Variants in LRRC8D observed in about 807,000 individuals in gnomAD.
LRRC8D encodes volume-regulated anion channel subunit LRRC8D.
A neutral mutation model predicts 55.8 loss-of-function variants in LRRC8D; 20 were observed. The ratio of observed to expected loss-of-function variants is 0.36; its 90% CI spans 0.25 to 0.52. LRRC8D has a LOEUF of 0.52. LRRC8D is among the 20% of genes least tolerant of loss of function. The probability of loss-of-function intolerance (pLI) is 0.93; values close to 1 mark genes in which losing one functional copy is unlikely to be tolerated. For missense variants in LRRC8D, 651 were observed against 1,030.8 expected (o/e 0.63, Z 5.05); for synonymous variants, 352 against 377.0 (o/e 0.93, Z 0.77).
chr1:89,892,448 GCATTATTTAGCACTCTAGGTGCAGT>G (rs1404554930), intron 2 of LRRC8D, among the ~76,000 whole-genome samples: 7 of 152,086 alleles, frequency 4.6e-5, no homozygotes, highest in African/African-American at 1.7e-4. Context: ...TCCCCGCTTG[GCATTATTTAGCACTCTAGGTGCAGT>G]CATTTGACCT....
At chr1:89,831,001 G>A (rs1660873646) in intron 1 of LRRC8D, among the ~76,000 whole-genome samples, 1 of 151,498 alleles carries the variant, frequency 6.6e-6, no homozygotes, top group South Asian at 2.1e-4. Flanking sequence ...CGCCTCCCGG[G>A]TTCAAGCGAT....
intron 2 of LRRC8D, among the ~76,000 whole-genome samples, chr1:89,850,823 C>T (rs908729572): frequency 5.9e-5 from 9 of 151,940 alleles, no homozygotes; most frequent in Non-Finnish European, 1.2e-4. Context: ...ATAACTTGAC[C>T]TTATTGTTAT....
At chr1:89,914,647 G>A (rs1025098751) in intron 2 of LRRC8D, among the ~76,000 whole-genome samples, 7 of 151,516 alleles carry the variant, frequency 4.6e-5, no homozygotes, top group East Asian at 1.9e-4. Flanking sequence ...TCCTGGAAAC[G>A]TCCCTGGTTT....
chr1:89,856,246 A>C (rs1426093730), intron 2 of LRRC8D, among the ~76,000 whole-genome samples: 2 of 152,184 alleles, frequency 1.3e-5, no homozygotes, highest in African/African-American at 4.8e-5. Context: ...AAATAATTGC[A>C]TAGCTATGCT....
At chr1:89,875,506 A>C (rs540717948) in intron 2 of LRRC8D, among the ~76,000 whole-genome samples, 16 of 152,310 alleles carry the variant, frequency 1.1e-4, no homozygotes, top group Middle Eastern at 6.8e-3. Context: ...TATCTATTAG[A>C]TATCCTTTAA....
chr1:89,928,441 A>C (rs1019038075), intron 2 of LRRC8D, among the ~76,000 whole-genome samples: 5 of 152,288 alleles, frequency 3.3e-5, no homozygotes, highest in Admixed American at 6.5e-5. Flanking sequence ...CTGGGACTTA[A>C]TAAGGAAAAG....
At chr1:89,917,613 C>A (rs529308438) in intron 2 of LRRC8D, among the ~76,000 whole-genome samples, 139 of 152,258 alleles carry the variant, frequency 9.1e-4, no homozygotes, top group African/African-American at 3.1e-3. Context: ...CTTCACACCT[C>A]CCTTCCATCA....
intron 2 of LRRC8D, among the ~76,000 whole-genome samples, chr1:89,921,780 G>A (rs1018778453): frequency 1.3e-5 from 2 of 152,140 alleles, no homozygotes; most frequent in Non-Finnish European, 2.9e-5. Flanking sequence ...CTGACCTCAG[G>A]TGATCTGTCC....
chr1:89,923,744 A>C (rs1392194150), intron 2 of LRRC8D, among the ~76,000 whole-genome samples: 1 of 152,222 alleles, frequency 6.6e-6, no homozygotes, highest in Admixed American at 6.5e-5. Context: ...CACACAGACC[A>C]CTGGAACAGG....
intron 1 of LRRC8D, among the ~76,000 whole-genome samples, chr1:89,834,569 G>A (rs1031403399): frequency 1.3e-5 from 2 of 152,216 alleles, no homozygotes; most frequent in Non-Finnish European, 2.9e-5. Flanking sequence ...AGTAAGATAT[G>A]CCCCTGCTTT....
intron 2 of LRRC8D, among the ~76,000 whole-genome samples, chr1:89,873,869 G>A (rs950228934): frequency 1.3e-5 from 2 of 152,150 alleles, no homozygotes; most frequent in African/African-American, 2.4e-5. Flanking sequence ...TCTTTTCTAT[G>A]GGCAGTGTTT....
At chr1:89,928,215 C>T (rs373743304) in intron 2 of LRRC8D, among the ~76,000 whole-genome samples, 9 of 152,224 alleles carry the variant, frequency 5.9e-5, no homozygotes, top group Admixed American at 2.0e-4. Context: ...GGATTACAGG[C>T]GCCTGGCACC....
At chr1:89,824,951 T>C (rs1660729010) in intron 1 of LRRC8D, among the ~76,000 whole-genome samples, 1 of 152,220 alleles carries the variant, frequency 6.6e-6, no homozygotes, top group African/African-American at 2.4e-5. Flanking sequence ...TATTAGATAA[T>C]CATGTTTTGG....
At chr1:89,888,125 C>T (rs1662470656) in intron 2 of LRRC8D, among the ~76,000 whole-genome samples, 1 of 152,126 alleles carries the variant, frequency 6.6e-6, no homozygotes, top group Admixed American at 6.5e-5. Context: ...CAGACTATGA[C>T]AAAAGAATCC....
rs146240428 is a variant in LRRC8D at position 89,882,679 on chromosome 1, C to T, written c.-3+38897C>T. Among the ~76,000 whole-genome samples, 28 of 152,252 alleles carry T rather than the reference C, an allele frequency of 1.8e-4. 1 individual carries two copies. Among genetic ancestry groups the T allele is most frequent in the South Asian group, 1.0e-3 (5 of 4,824 alleles). ...TTTTGTATTCCCAGCAGAGTTCTGG[C>T]GCCAAAGTGCTAATAAATGTTGATT... On this transcript the variant is annotated intron_variant, in intron 2 of 2. Coordinates refer to ENST00000337338, the MANE Select transcript of LRRC8D (RefSeq NM_001134479.2).
In LRRC8D at chr1:89,893,036, T is replaced by G. The variant is rs1489886214; in HGVS notation, c.-2-40031T>G. Reference sequence around the variant, plus strand: ...ATATGACAGGTACTGTCCTAGGTGCTGAGAATAGAGTGTGAACAAAATAGA... The same window carrying G: ...ATATGACAGGTACTGTCCTAGGTGCGGAGAATAGAGTGTGAACAAAATAGA... On this transcript the variant is annotated intron_variant, in intron 2 of 2. Transcript: ENST00000337338. Among the ~76,000 whole-genome samples, 6 of 152,200 alleles carry G rather than the reference T, an allele frequency of 3.9e-5. No individual in the cohort carries two copies. In the East Asian group the frequency reaches 1.2e-3, roughly 29 times the overall value.
Position 89,933,121 on chromosome 1 carries a change from G to A in LRRC8D, c.53G>A (p.Arg18Gln), listed in dbSNP as rs757702208. 8 of 1,613,182 alleles carry A rather than the reference G, an allele frequency of 5.0e-6. No individual in the cohort carries two copies. Among genetic ancestry groups the A allele is most frequent in the African/African-American group, 4.0e-5 (3 of 74,884 alleles). ...CTTAATGACATTCAGCCAACTTACC[G>A]AATCCTGAAACCATGGTGGGATGTG... ...ASLNDIQPTY[R>Q]ILKPWWDVFM... Residue 18 changes from arginine (R) to glutamine (Q), a missense_variant, in exon 3 of 3, where the codon CGA becomes CAA. Physicochemically the swap from Arg to Gln is conservative, Grantham distance 43 (BLOSUM62 1). Coordinates refer to ENST00000337338, the MANE Select transcript of LRRC8D (RefSeq NM_001134479.2). The surrounding 1 kb of genome is among the most constrained non-coding windows in gnomAD (Gnocchi z 7.0).
At chr1:89,834,321 A>C (rs1660954346) in intron 1 of LRRC8D, among the ~76,000 whole-genome samples, 1 of 152,222 alleles carries the variant, frequency 6.6e-6, no homozygotes, top group African/African-American at 2.4e-5. Context: ...GAAAGTTAGC[A>C]CTAAATATTA....
At chr1:89,926,162 A>G (rs571688025) in intron 2 of LRRC8D, among the ~76,000 whole-genome samples, 3 of 152,230 alleles carry the variant, frequency 2.0e-5, no homozygotes, top group Non-Finnish European at 4.4e-5. Flanking sequence ...TACTACATGC[A>G]GACTTGGGCT....
Sources: allele counts gnomAD v4.1 joint callset (sites outside exome capture counted in the v4.1 genomes callset), GRCh38; gene constraint gnomAD v4.1.1; non-coding constraint Gnocchi (gnomAD v3.1); transcripts MANE v1.5; gene names NCBI Gene and HGNC (gene_info 2026-07-23, HGNC 2026-07-21).